The following FARS2 variants were observed in gnomAD, a reference collection of about 807,000 sequenced individuals.
FARS2 encodes phenylalanyl-tRNA synthetase 2, mitochondrial.
A neutral mutation model predicts 46.4 loss-of-function variants in FARS2; 40 were observed. That is an observed-to-expected ratio of 0.86 (90% confidence interval 0.67 to 1.12). FARS2 has a LOEUF of 1.12. Ranked by LOEUF, FARS2 falls within the 50% of genes most tolerant of loss-of-function variation. FARS2 has a pLI of 0.00. For synonymous variants in FARS2, 234 were observed against 214.9 expected, an observed-to-expected ratio of 1.09 and a Z score of -0.78; for missense variants, 513 against 567.9, an observed-to-expected ratio of 0.90 and a Z score of 0.98.
chr6:5,324,757 G>C (rs1477919264), intron 1 of FARS2, among the ~76,000 whole-genome samples: 4 of 151,268 alleles, frequency 2.6e-5, no homozygotes, highest in Non-Finnish European at 4.4e-5. Flanking sequence ...GCCTTTCCGG[G>C]CTTGGCTGGC....
At position 5,495,324 on chromosome 6, in the gene FARS2, G is replaced by A. The variant is rs553350146; in HGVS notation, c.905-49856G>A. On this transcript the variant is annotated intron_variant, in intron 4 of 6. Transcript: ENST00000274680. The stretch of plus-strand genomic sequence containing the variant: ...CTTTTCTTTCCTTTTCTACATCGTC[G>A]TAATTCTCAAACTTTATTGTTTTTC... Among the ~76,000 whole-genome samples, 13 of 152,146 alleles carry A rather than the reference G, an allele frequency of 8.5e-5. No homozygotes were observed. The East Asian group carries it at 1.3e-3, about 16-fold the overall frequency.
intron 5 of FARS2, among the ~76,000 whole-genome samples, chr6:5,558,052 A>G (rs1465905687): frequency 1.3e-5 from 2 of 152,206 alleles, no homozygotes; most frequent in African/African-American, 4.8e-5. Flanking sequence ...AACTAATTCA[A>G]ATGGAAAAGT....
At chr6:5,455,741 G>T (rs1159058911) in intron 4 of FARS2, among the ~76,000 whole-genome samples, 1 of 152,192 alleles carries the variant, frequency 6.6e-6, no homozygotes, top group East Asian at 1.9e-4. Flanking sequence ...AGCATCGGAG[G>T]CCTGGACAAT....
At chr6:5,636,863 C>G (rs1002944676) in intron 6 of FARS2, among the ~76,000 whole-genome samples, 4 of 152,186 alleles carry the variant, frequency 2.6e-5, no homozygotes, top group Admixed American at 6.5e-5. Context: ...CATTGAGTTA[C>G]TCTCCCTGAG....
chr6:5,668,837 G>T (rs928674678), intron 6 of FARS2, among the ~76,000 whole-genome samples: 11 of 151,932 alleles, frequency 7.2e-5, no homozygotes, highest in African/African-American at 2.4e-4. Flanking sequence ...GAGATTACAG[G>T]CACCCACCAT....
chr6:5,272,570 A>C (rs1317260900), intron 1 of FARS2: 3 of 152,180 alleles, frequency 2.0e-5, no homozygotes, highest in African/African-American at 7.2e-5. Context: ...TTTGGGGTAC[A>C]TGTGATACTT....
At chr6:5,539,591 T>C (rs1037569560) in intron 4 of FARS2, among the ~76,000 whole-genome samples, 2 of 151,868 alleles carry the variant, frequency 1.3e-5, no homozygotes, top group Non-Finnish European at 2.9e-5. Context: ...GCAGTGTAGC[T>C]TTGCAGTGAG....
intron 1 of FARS2, among the ~76,000 whole-genome samples, chr6:5,292,897 T>C (rs1356000399): frequency 6.6e-6 from 1 of 151,948 alleles, no homozygotes; most frequent in Non-Finnish European, 1.5e-5. Context: ...TTAAAGAAGA[T>C]GAGTAGGAGC....
chr6:5,745,068 TATA>T (rs1213194149), intron 6 of FARS2, among the ~76,000 whole-genome samples: 2 of 152,150 alleles, frequency 1.3e-5, no homozygotes, highest in Non-Finnish European at 2.9e-5. Flanking sequence ...CATCCACAAA[TATA>T]CCCACAAAAT....
intron 4 of FARS2, among the ~76,000 whole-genome samples, chr6:5,537,619 G>A (rs902340993): frequency 6.6e-6 from 1 of 150,832 alleles, no homozygotes; most frequent in Non-Finnish European, 1.5e-5. Flanking sequence ...GAGATGTCCC[G>A]GGCTTCCTCT....
chr6:5,424,919 C>T (rs916426332), intron 3 of FARS2, among the ~76,000 whole-genome samples: 3 of 152,150 alleles, frequency 2.0e-5, no homozygotes, highest in Admixed American at 2.0e-4. Flanking sequence ...GGCGGCTGCA[C>T]GATTTCCCGT....
intron 5 of FARS2, among the ~76,000 whole-genome samples, chr6:5,561,449 C>T (rs1028749678): frequency 5.3e-5 from 8 of 152,070 alleles, no homozygotes; most frequent in African/African-American, 1.9e-4. Context: ...CAAGGCATAA[C>T]ATTCTGGAAA....
intron 2 of FARS2, among the ~76,000 whole-genome samples, chr6:5,390,371 G>A (rs2503812): frequency 1.3e-5 from 2 of 151,964 alleles, no homozygotes. Flanking sequence ...CTTTTGCATC[G>A]CACATGCTAA....
chr6:5,480,429 G>A lies in FARS2; in HGVS notation c.904+49257G>A, dbSNP rs73356304. ...AGCTCAAAAAAAGTAAGAACATGGC[G>A]CAGAACGCATCTGGTTTATTGTATC... is the stretch of plus-strand genomic sequence containing the variant. On this transcript the variant is annotated intron_variant, in intron 4 of 6. Coordinates refer to ENST00000274680, the MANE Select transcript of FARS2 (RefSeq NM_006567.5). Among the ~76,000 whole-genome samples the A allele has an allele frequency of 6.9e-3, 1,047 of 152,292 alleles. 19 individuals are homozygous for A. The highest frequency in any genetic ancestry group is 0.023 in the African/African-American group (963 of 41,566).
intron 6 of FARS2, among the ~76,000 whole-genome samples, chr6:5,660,385 C>A (rs1159407538): frequency 2.0e-5 from 3 of 152,148 alleles, no homozygotes; most frequent in Non-Finnish European, 4.4e-5. Flanking sequence ...GGCTCACAGG[C>A]CCGTAATTCC....
chr6:5,297,316 G>A (rs745394986), intron 1 of FARS2, among the ~76,000 whole-genome samples: 16 of 152,170 alleles, frequency 1.1e-4, no homozygotes, highest in Non-Finnish European at 2.4e-4. Context: ...TGAAGGATTC[G>A]TAGAGTTCGC....
chr6:5,591,112 T>G (rs557946087), intron 5 of FARS2, among the ~76,000 whole-genome samples: 2 of 152,340 alleles, frequency 1.3e-5, no homozygotes, highest in South Asian at 2.1e-4. Context: ...TGGGGATGGA[T>G]GAGGGAATCT....
chr6:5,513,092 G>A (rs1387142443), intron 4 of FARS2, among the ~76,000 whole-genome samples: 1 of 152,180 alleles, frequency 6.6e-6, no homozygotes. Flanking sequence ...ATATTTCCTA[G>A]GGGAGAGGGT....
chr6:5,619,679 G>A (rs1775662311), intron 6 of FARS2, among the ~76,000 whole-genome samples: 1 of 151,922 alleles, frequency 6.6e-6, no homozygotes, highest in Non-Finnish European at 1.5e-5. Context: ...GAATTCTCAA[G>A]AGGGTCTTCA....
Sources: allele counts gnomAD v4.1 joint callset (sites outside exome capture counted in the v4.1 genomes callset), GRCh38; gene constraint gnomAD v4.1.1; transcripts MANE v1.5; gene names NCBI Gene and HGNC (gene_info 2026-07-23, HGNC 2026-07-21).